The following SPTA1 variants were observed in gnomAD, a reference collection of about 807,000 sequenced individuals.
SPTA1 encodes the protein spectrin alpha, erythrocytic 1, also known as spectrin alpha chain, erythrocytic 1.
SPTA1 carries 177 observed loss-of-function variants against 324.7 expected under a neutral mutation model. The observed-to-expected ratio is 0.55, with a 90% CI of 0.48 to 0.62. SPTA1 has a LOEUF of 0.62. SPTA1 is among the 20% of genes least tolerant of loss of function. The probability of loss-of-function intolerance (pLI) is 0.00; values close to 1 mark genes in which losing one functional copy is unlikely to be tolerated. For synonymous variants in SPTA1, 1,195 were observed against 1,041.3 expected, an observed-to-expected ratio of 1.15 and a Z score of -2.84; for missense variants, 3,162 against 2,883.6, an observed-to-expected ratio of 1.10 and a Z score of -2.21.
chr1:158,642,351 A>C, intron 33 of SPTA1, 60 bp downstream of exon 33: 2 of 1,511,562 alleles, frequency 1.3e-6, no homozygotes, highest in African/African-American at 1.4e-5. Flanking sequence ...AAAAAAAAAG[A>C]AAGAGTAAAT....
At position 158,617,542 on chromosome 1, in the gene SPTA1, T is replaced by C; in HGVS notation, c.6595A>G (p.Asn2199Asp). ...AATGAAAAAACAATACTTACTTTAT[T>C]TGCTTCCAGCTGAGATTCCAGAGTT... Reference protein sequence around the residue: ...TGTLESQLEANKRKQKEIQAM... With the variant: ...TGTLESQLEADKRKQKEIQAM... The change falls in exon 47 of 52, where the codon AAT (asparagine) becomes GAT (aspartate). Residue 2199 changes from asparagine (N) to aspartate (D), a missense_variant. Physicochemically the swap from Asn to Asp is conservative, Grantham distance 23 (BLOSUM62 1). Coordinates refer to ENST00000643759, the MANE Select transcript of SPTA1 (RefSeq NM_003126.4). 1 of 1,613,402 alleles carries C rather than the reference T, an allele frequency of 6.2e-7. No homozygotes were observed. The highest frequency in any genetic ancestry group is 8.5e-7 in the Non-Finnish European group (1 of 1,179,406).
chr1:158,621,065 T>G (rs1453492966), intron 43 of SPTA1, among the ~76,000 whole-genome samples: 1 of 152,158 alleles, frequency 6.6e-6, no homozygotes, highest in African/African-American at 2.4e-5. Context: ...CTGCTTAAAC[T>G]TATCTTCTAC....
At position 158,613,950 on chromosome 1, in the gene SPTA1, G is replaced by A. The variant is rs550063594; in HGVS notation, c.6843-83C>T. On this transcript the variant is annotated intron_variant, in intron 49 of 51. Coordinates refer to ENST00000643759, the MANE Select transcript of SPTA1 (RefSeq NM_003126.4). ...AACAGAAAGGAATATGTCTTATTGC[G>A]TCAGCTGAAGCTTTATTGACCTGTC... 2.3e-4 allele frequency: 334 copies of A among 1,452,878 alleles called. 1 individual carries two copies. The highest frequency in any genetic ancestry group is 1.2e-3 in the South Asian group (98 of 82,556). The allele number at this position is 1,452,878 out of a possible 1,614,324, so 90.0% of individuals were successfully genotyped here.
At position 158,611,430 on chromosome 1, in the gene SPTA1, CA is replaced by C. The variant is rs1239652429; in HGVS notation, c.7135-42del. The stretch of plus-strand genomic sequence containing the variant: ...AGAGAAAAATACAGTTATAGGGATT[CA>C]AAATAGCTGGTTCCTTGGGGCTTCC... On this transcript the variant is annotated intron_variant, in intron 51 of 51. Coordinates refer to ENST00000643759, the MANE Select transcript of SPTA1 (RefSeq NM_003126.4). 4 of 1,611,210 alleles carry C rather than the reference CA, an allele frequency of 2.5e-6. No individual in the cohort carries two copies. The South Asian group carries it at 4.4e-5, about 18-fold the overall frequency.
At chr1:158,674,205 A>C (rs1654238551) in intron 10 of SPTA1, 124 bp downstream of exon 10, 1 of 1,036,550 alleles carries the variant, frequency 9.6e-7, no homozygotes, top group African/African-American at 1.6e-5. Flanking sequence ...AGTTTGATTC[A>C]TATTATTAAC....
At chr1:158,670,469 A>G (rs1416216684) in intron 12 of SPTA1, among the ~76,000 whole-genome samples, 1 of 152,204 alleles carries the variant, frequency 6.6e-6, no homozygotes, top group Non-Finnish European at 1.5e-5. Flanking sequence ...TATTAATTGG[A>G]CTTCCACCTC....
In SPTA1 at chr1:158,686,584, C is replaced by T; in HGVS notation, c.-67G>A. The T allele has an allele frequency of 1.8e-6, 2 of 1,128,866 alleles. No homozygotes were observed. Among genetic ancestry groups the T allele is most frequent in the Admixed American group, 1.8e-5 (1 of 56,508 alleles). The allele number at this position is 1,128,866 out of a possible 1,614,324, so 69.9% of individuals were successfully genotyped here. The stretch of plus-strand genomic sequence containing the variant: ...GAGAGAGAGAGAGAGAGAAATAATT[C>T]AAATGGAACTGTCCAGTCGAATTCA... On this transcript the variant is annotated 5_prime_UTR_variant, in exon 1 of 52. Transcript: ENST00000643759.
Position 158,635,957 on chromosome 1 carries a change from C to T in SPTA1, c.5388G>A (p.Gln1796=), listed in dbSNP as rs61140046. Residue 1796 remains glutamine, a synonymous_variant, in exon 38 of 52, where the codon CAG becomes CAA. Coordinates refer to ENST00000643759, the MANE Select transcript of SPTA1 (RefSeq NM_003126.4). ...GQEEIQLRLA[Q]FVEHWEKLKE... ...TGAGCTTCTCCCAGTGTTCAACAAA[C>T]TGAGCCAGCCGCAACTGGATCTCCT... The T allele has an allele frequency of 4.4e-3, 7,109 of 1,614,158 alleles. 253 individuals are homozygous for T. The African/African-American group carries it at 0.08, about 18-fold the overall frequency.
chr1:158,642,917 T>G lies in SPTA1; in HGVS notation c.4502A>C (p.Asn1501Thr). 6.2e-7 allele frequency: 1 copy of G among 1,613,868 alleles called. No homozygotes were observed. The highest frequency in any genetic ancestry group is 1.3e-5 in the African/African-American group (1 of 74,998). ...AAGGTCTCGGTAGAATTGTTTTAGG[T>G]TGGCATAGTCTCCAAGCTTTGTCCG... ...DERTKLGDYANLKQFYRDLEE... is the reference protein window; with the variant it reads ...DERTKLGDYATLKQFYRDLEE... The change falls in exon 32 of 52, where the codon AAC becomes ACC. Residue 1501 changes from asparagine to threonine, a missense_variant. By Grantham distance (65) the Asn-to-Thr change is moderately conservative. Transcript: ENST00000643759.
rs770694503 is a variant in SPTA1, at chr1:158,669,728, A to T, written c.1658T>A (p.Ile553Asn). 3.1e-6 allele frequency: 5 copies of T among 1,613,996 alleles called. No homozygotes were observed. The African/African-American group carries it at 6.7e-5, about 22-fold the overall frequency. ...ACATACCCCGTCACGGATAGCCTTG[A>T]TGTTCTCTGAATCATAATGGTCATC... ...IGDDHYDSEN[I>N]KAIRDGLLAR... The change falls in exon 13 of 52, where the codon ATC becomes AAC. Residue 553 changes from isoleucine (I) to asparagine (N), a missense_variant. By Grantham distance (149) the Ile-to-Asn change is moderately radical. Coordinates refer to ENST00000643759, the MANE Select transcript of SPTA1 (RefSeq NM_003126.4).
intron 29 of SPTA1, 136 bp downstream of exon 29, chr1:158,645,052 T>G: frequency 4.4e-6 from 4 of 903,982 alleles, no homozygotes; most frequent in Non-Finnish European, 5.4e-6. Flanking sequence ...AGTACAATGC[T>G]AGGTAATTAA....
At chr1:158,673,082 C>G (rs1300215307) in intron 10 of SPTA1, among the ~76,000 whole-genome samples, 2 of 152,132 alleles carry the variant, frequency 1.3e-5, no homozygotes, top group Admixed American at 6.6e-5. Context: ...AGGTTGGCCA[C>G]TGCACTCCAG....
At position 158,666,406 on chromosome 1, in the gene SPTA1, G is replaced by A. The variant is rs1479965876; in HGVS notation, c.2130C>T (p.Val710=). 1 of 1,613,652 alleles carries A rather than the reference G, an allele frequency of 6.2e-7. No homozygotes were observed. Among genetic ancestry groups the A allele is most frequent in the African/African-American group, 1.3e-5 (1 of 74,842 alleles). Residue 710 remains valine, a synonymous_variant, in exon 16 of 52, where the codon GTC becomes GTT. Transcript: ENST00000643759. ...GGCCTTTCCCATAATCCTCAGAGGT[G>A]ACTTGCCACTCAACATCCTCCAGCC... ...QRWLEDVEWQ[V]TSEDYGKGLA...
intron 8 of SPTA1, among the ~76,000 whole-genome samples, chr1:158,675,908 A>G (rs1248620413): frequency 1.3e-5 from 2 of 152,154 alleles, no homozygotes; most frequent in African/African-American, 4.8e-5. Context: ...TCCATTTAAC[A>G]TTTTCAAACT....
chr1:158,663,072 T>G, intron 16 of SPTA1, 127 bp from the exon 17 acceptor site: 1 of 1,336,356 alleles, frequency 7.5e-7, no homozygotes, highest in Non-Finnish European at 1.0e-6. Flanking sequence ...TGATCTCTAA[T>G]TAAATCAGTG....
chr1:158,657,711 GA>G lies in SPTA1; in HGVS notation c.2588-18del. 6.2e-7 allele frequency: 1 copy of G among 1,612,356 alleles called. No homozygotes were observed. Among genetic ancestry groups the G allele is most frequent in the Non-Finnish European group, 8.5e-7 (1 of 1,178,504 alleles). ...CAAAGTGTCCTATGGAGTAATTATA[GA>G]AAAGGTGAGTATGATCCTCATGAGT... On this transcript the variant is annotated intron_variant, in intron 18 of 51. Coordinates refer to ENST00000643759, the MANE Select transcript of SPTA1 (RefSeq NM_003126.4).
intron 19 of SPTA1, 79 bp from the exon 20 acceptor site, chr1:158,656,735 G>A (rs1652855770): frequency 1.5e-6 from 2 of 1,354,668 alleles, no homozygotes; most frequent in Admixed American, 1.7e-5. Context: ...TTTGGGTTAT[G>A]CTATTTGTCT....
At chr1:158,647,214 G>C (rs77224950) in intron 27 of SPTA1, among the ~76,000 whole-genome samples, 1 of 151,922 alleles carries the variant, frequency 6.6e-6, no homozygotes, top group African/African-American at 2.4e-5. Flanking sequence ...GTGTGTTTTC[G>C]GCCTCATTAT....
chr1:158,684,084 A>C (rs1319602248), intron 2 of SPTA1, among the ~76,000 whole-genome samples: 1 of 28,328 alleles, frequency 3.5e-5, no homozygotes, highest in Non-Finnish European at 1.1e-4. Context: ...CATGAATAGC[A>C]ATTTAGGGAA....
Sources: allele counts gnomAD v4.1 joint callset (sites outside exome capture counted in the v4.1 genomes callset), GRCh38; gene constraint gnomAD v4.1.1; transcripts MANE v1.5; gene names NCBI Gene and HGNC (gene_info 2026-07-23, HGNC 2026-07-21).